PRRT1B: variants seen among roughly 807,000 people sequenced by gnomAD.
PRRT1B encodes dispanin subfamily D member 2.
At chr9:131,556,780 C>T (rs576824483) in intron 3 of PRRT1B, among the ~76,000 whole-genome samples, 12 of 152,138 alleles carry the variant, frequency 7.9e-5, no homozygotes, top group African/African-American at 2.9e-4. Context: ...TACAGACGCC[C>T]ACCACCATGC....
exon 2 of PRRT1B, chr9:131,554,972 G>A (rs1951038676): frequency 5.1e-6 from 2 of 392,128 alleles, no homozygotes; most frequent in African/African-American, 2.1e-5. Context: ...ACCCAGCCGC[G>A]CCCACGCCGC....
At chr9:131,549,031 A>G (rs1275056033) in intron 1 of PRRT1B, among the ~76,000 whole-genome samples, 1 of 152,294 alleles carries the variant, frequency 6.6e-6, no homozygotes, top group African/African-American at 2.4e-5. Flanking sequence ...CAACTGTGAG[A>G]TGCTTTACAG....
chr9:131,552,945 C>A (rs1342318171), intron 1 of PRRT1B, among the ~76,000 whole-genome samples: 1 of 151,890 alleles, frequency 6.6e-6, no homozygotes, highest in Non-Finnish European at 1.5e-5. Flanking sequence ...CTCGGCCTCC[C>A]AAAGTGCTGG....
At chr9:131,553,225 C>G (rs546737246) in intron 1 of PRRT1B, among the ~76,000 whole-genome samples, 1 of 152,328 alleles carries the variant, frequency 6.6e-6, no homozygotes, top group Non-Finnish European at 1.5e-5. Context: ...TCACCACTAT[C>G]CATCTCTGGG....
intron 1 of PRRT1B, among the ~76,000 whole-genome samples, chr9:131,548,828 C>T (rs1950992114): frequency 1.3e-5 from 2 of 152,178 alleles, no homozygotes; most frequent in Admixed American, 6.5e-5. Context: ...CCCGGTCTGG[C>T]TTACAGTTTA....
At position 131,555,107 on chromosome 9, in the gene PRRT1B, A is replaced by G. The variant is rs1476471485; in HGVS notation, c.498+78A>G. 5 of 385,136 alleles carry G rather than the reference A, an allele frequency of 1.3e-5. No individual in the cohort carries two copies. The East Asian group carries it at 1.9e-4, about 14-fold the overall frequency. 23.9% of individuals were successfully genotyped at this position (385,136 alleles called of 1,614,324 possible). A position where few individuals can be genotyped will look rare whatever the true frequency, so the allele number is the denominator to read the frequency against. On this transcript the variant is annotated intron_variant, in intron 2 of 3. Transcript: ENST00000636672. ...CGGGGGCGCCCGTGCGGAGGCCGAT[A>G]GGTCACTTCTGTCCCTGGGGGCGGG...
At chr9:131,550,291 C>T (rs532167108) in intron 1 of PRRT1B, among the ~76,000 whole-genome samples, 9 of 152,296 alleles carry the variant, frequency 5.9e-5, no homozygotes, top group African/African-American at 2.2e-4. Flanking sequence ...TACCTCCCTC[C>T]ACAACCCATT....
At chr9:131,549,166 T>C (rs1224603441) in intron 1 of PRRT1B, among the ~76,000 whole-genome samples, 1 of 152,182 alleles carries the variant, frequency 6.6e-6, no homozygotes, top group Non-Finnish European at 1.5e-5. Context: ...CAACAGGACT[T>C]AATTAACCTT....
intron 1 of PRRT1B, among the ~76,000 whole-genome samples, chr9:131,550,939 C>CTTTTTT (rs546049217): frequency 5.3e-5 from 4 of 75,962 alleles, no homozygotes; most frequent in African/African-American, 2.1e-4. Flanking sequence ...TTTTCTTTTT[C>CTTTTTT]TTTTTTTTTT....
chr9:131,546,731 A>C (rs1043488649), intron 1 of PRRT1B, among the ~76,000 whole-genome samples: 1 of 151,704 alleles, frequency 6.6e-6, no homozygotes, highest in Non-Finnish European at 1.5e-5. Flanking sequence ...CGGTGTCAAG[A>C]GCCTGAGAAC....
chr9:131,547,059 T>A (rs1950980715), intron 1 of PRRT1B, among the ~76,000 whole-genome samples: 2 of 127,310 alleles, frequency 1.6e-5, no homozygotes, highest in Admixed American at 1.8e-4. Flanking sequence ...CCTGGCCTCC[T>A]GTTCGCTTTT....
intron 3 of PRRT1B, among the ~76,000 whole-genome samples, chr9:131,556,837 T>C (rs1469061188): frequency 6.6e-6 from 1 of 152,120 alleles, no homozygotes; most frequent in Non-Finnish European, 1.5e-5. Context: ...TTCGCCATGT[T>C]GGCCAGGCTG....
chr9:131,555,111 C>A, intron 2 of PRRT1B, 82 bp downstream of exon 2: 1 of 88,600 alleles, frequency 1.1e-5, no homozygotes, highest in Non-Finnish European at 1.8e-5. Context: ...GCCGATAGGT[C>A]ACTTCTGTCC....
intron 1 of PRRT1B, among the ~76,000 whole-genome samples, chr9:131,547,366 G>A (rs1485148004): frequency 2.0e-5 from 3 of 152,080 alleles, no homozygotes; most frequent in Non-Finnish European, 4.4e-5. Flanking sequence ...ATTACCTTGT[G>A]AAATTCCTTC....
chr9:131,554,704 G>A, exon 2 of PRRT1B: 1 of 363,918 alleles, frequency 2.7e-6, no homozygotes. Context: ...GACGAGGACG[G>A]GGCGCCCAGC....
chr9:131,546,338 C>T (rs902339652), intron 1 of PRRT1B, among the ~76,000 whole-genome samples: 2 of 152,114 alleles, frequency 1.3e-5, no homozygotes, highest in African/African-American at 4.8e-5. Flanking sequence ...GAGGCGCGGA[C>T]GCGGGTGGGA....
At chr9:131,550,236 C>G (rs1951001697) in intron 1 of PRRT1B, among the ~76,000 whole-genome samples, 1 of 152,202 alleles carries the variant, frequency 6.6e-6, no homozygotes, top group Non-Finnish European at 1.5e-5. Context: ...ATTGTTTTGT[C>G]TATCCACCCC....
At position 131,556,100 on chromosome 9, in the gene PRRT1B, C is replaced by G. The variant is rs1588551948; in HGVS notation, c.529C>G (p.Pro177Ala). 7 of 401,096 alleles carry G rather than the reference C, an allele frequency of 1.7e-5. No individual in the cohort carries two copies. The East Asian group carries it at 2.1e-4, about 12-fold the overall frequency. 24.8% of individuals were successfully genotyped at this position (401,096 alleles called of 1,614,324 possible). ...TGGCCCGATGGCTGGCGTGCCAGGCCCTGCCACGGTGGAGCACAGGCCCCT... is the reference window on the plus strand; with the variant it reads ...TGGCCCGATGGCTGGCGTGCCAGGCGCTGCCACGGTGGAGCACAGGCCCCT... Residue 177 changes from proline to alanine, a missense_variant, in exon 3 of 4, where the codon CCT becomes GCT. Physicochemically the swap from Pro to Ala is conservative, Grantham distance 27. Transcript: ENST00000636672.
chr9:131,552,839 A>ATTTTTTTTTT (rs61662684), intron 1 of PRRT1B, among the ~76,000 whole-genome samples: 1 of 133,792 alleles, frequency 7.5e-6, no homozygotes, highest in Non-Finnish European at 1.6e-5. Context: ...CACCTGGTTA[A>ATTTTTTTTTT]TTTTTTTTTT....
Sources: allele counts gnomAD v4.1 joint callset (sites outside exome capture counted in the v4.1 genomes callset), GRCh38; gene constraint gnomAD v4.1.1; transcripts MANE v1.5; gene names NCBI Gene and HGNC (gene_info 2026-07-23, HGNC 2026-07-21).